Variants in SLC25A40 observed in about 807,000 individuals in gnomAD.
SLC25A40 encodes mitochondrial glutathione transporter SLC25A40.
In SLC25A40, 41 loss-of-function variants were observed where a neutral mutation model predicts 46.5. That is an observed-to-expected ratio of 0.88 (90% CI 0.69 to 1.14). The LOEUF (loss-of-function observed/expected upper bound fraction) is 1.14. Among genes scored for constraint, SLC25A40 ranks in the 50% most tolerant of loss-of-function variants. SLC25A40 has a pLI of 0.00. For synonymous variants in SLC25A40, 126 were observed against 127.5 expected (o/e 0.99, Z 0.08); for missense variants, 386 against 393.6 (o/e 0.98, Z 0.16).
In SLC25A40 at chr7:87,865,007, T is replaced by C. The variant is rs1183126020; in HGVS notation, c.-93-4367A>G. On this transcript the variant is annotated intron_variant, in intron 1 of 11. Coordinates refer to ENST00000341119, the MANE Select transcript of SLC25A40 (RefSeq NM_018843.4). The stretch of plus-strand genomic sequence containing the variant: ...TTTTTTTTTTTTTGAGACAAGGTCC[T>C]GCTCTGGTGCCCAAACTGGAGTGCA... Among the ~76,000 whole-genome samples, 6 of 150,804 alleles carry C rather than the reference T, an allele frequency of 4.0e-5. 1 individual carries two copies.
intron 2 of SLC25A40, among the ~76,000 whole-genome samples, chr7:87,859,203 C>T (rs768876659): frequency 2.0e-5 from 3 of 152,214 alleles, no homozygotes; most frequent in Non-Finnish European, 2.9e-5. Flanking sequence ...ACCTGTAACC[C>T]CAGCACTTTT....
intron 1 of SLC25A40, among the ~76,000 whole-genome samples, chr7:87,870,910 G>T (rs371613493): frequency 1.6e-4 from 24 of 152,146 alleles, no homozygotes; most frequent in Admixed American, 1.4e-3. Context: ...ACACATGAAC[G>T]TGTAAAAGGC....
At position 87,847,772 on chromosome 7, in the gene SLC25A40, A is replaced by T. The variant is rs1020924219; in HGVS notation, c.457+81T>A. On this transcript the variant is annotated intron_variant, in intron 7 of 11. Transcript: ENST00000341119. The stretch of plus-strand genomic sequence containing the variant: ...ATATCATACTAATACTCTATATATT[A>T]TACAAATTATCTGTGAATGTCACAA... 4.4e-6 allele frequency: 6 copies of T among 1,371,032 alleles called. No homozygotes were observed. In the African/African-American group the frequency reaches 8.9e-5, roughly 20 times the overall value. The allele number at this position is 1,371,032 out of a possible 1,614,324, so 84.9% of individuals were successfully genotyped here. A position where few individuals can be genotyped will look rare whatever the true frequency, so the allele number is the denominator to read the frequency against.
intron 2 of SLC25A40, among the ~76,000 whole-genome samples, chr7:87,859,919 G>A (rs966253179): frequency 6.6e-6 from 1 of 152,100 alleles, no homozygotes; most frequent in Non-Finnish European, 1.5e-5. Context: ...TACAGGGCCA[G>A]GTGTGGTGGC....
chr7:87,851,812 A>G (rs1175999188), intron 5 of SLC25A40, among the ~76,000 whole-genome samples: 4 of 152,242 alleles, frequency 2.6e-5, no homozygotes, highest in Admixed American at 6.5e-5. Flanking sequence ...ACAGAAAAAG[A>G]CAGCTAAAAT....
chr7:87,850,632 G>A (rs1304449962), intron 5 of SLC25A40, among the ~76,000 whole-genome samples: 1 of 152,088 alleles, frequency 6.6e-6, no homozygotes, highest in East Asian at 1.9e-4. Flanking sequence ...GCTGGGCATG[G>A]TGACGCACTC....
chr7:87,836,971 T>G (rs1425721692), intron 10 of SLC25A40, 161 bp from the exon 11 acceptor site: 1 of 355,198 alleles, frequency 2.8e-6, no homozygotes, highest in African/African-American at 2.5e-5. Context: ...TTTTTAATAG[T>G]TAGATTCATT....
chr7:87,855,072 A>T (rs1762391503), intron 4 of SLC25A40, among the ~76,000 whole-genome samples: 1 of 151,482 alleles, frequency 6.6e-6, no homozygotes, highest in Non-Finnish European at 1.5e-5. Flanking sequence ...TGAAGTGGGA[A>T]GATCACCTGA....
intron 4 of SLC25A40, among the ~76,000 whole-genome samples, chr7:87,855,972 T>C (rs1330269317): frequency 2.0e-5 from 3 of 152,172 alleles, no homozygotes; most frequent in African/African-American, 7.2e-5. Flanking sequence ...TGCTCTAACA[T>C]GGGCACAACT....
At chr7:87,860,511 T>C (rs1452538422) in intron 2 of SLC25A40, 61 bp downstream of exon 2, 1 of 152,190 alleles carries the variant, frequency 6.6e-6, no homozygotes, top group African/African-American at 2.4e-5. Context: ...ATATCAATAA[T>C]GTCCTTTATC....
At chr7:87,850,246 A>G (rs1838487624) in intron 5 of SLC25A40, among the ~76,000 whole-genome samples, 3 of 152,212 alleles carry the variant, frequency 2.0e-5, no homozygotes, top group Non-Finnish European at 4.4e-5. Flanking sequence ...AAGGAAGTAG[A>G]GCAAAAGCAG....
At chr7:87,860,284 CA>C (rs1481743406) in intron 2 of SLC25A40, 2 of 152,160 alleles carry the variant, frequency 1.3e-5, no homozygotes, top group Admixed American at 6.5e-5. Context: ...CTTCTACTGG[CA>C]ATATGAGAGT....
At chr7:87,869,535 C>G (rs1312260251) in intron 1 of SLC25A40, among the ~76,000 whole-genome samples, 1 of 146,132 alleles carries the variant, frequency 6.8e-6, no homozygotes, top group Non-Finnish European at 1.5e-5. Context: ...AGACCCTGTT[C>G]CAAAAAAAAA....
intron 10 of SLC25A40, 33 bp from the exon 11 acceptor site, chr7:87,836,843 T>A: frequency 1.6e-6 from 2 of 1,277,742 alleles, no homozygotes; most frequent in Non-Finnish European, 2.1e-6. Context: ...AATGCTATTA[T>A]AAATAACAAT....
At chr7:87,858,489 T>A in intron 3 of SLC25A40, 142 bp downstream of exon 3, 1 of 566,394 alleles carries the variant, frequency 1.8e-6, no homozygotes, top group Non-Finnish European at 3.1e-6. Context: ...GTAAAATTCC[T>A]CTCTTTGTAC....
chr7:87,870,514 G>A (rs1280253994), intron 1 of SLC25A40, among the ~76,000 whole-genome samples: 1 of 152,070 alleles, frequency 6.6e-6, no homozygotes, highest in Non-Finnish European at 1.5e-5. Flanking sequence ...CCTCAAGCCT[G>A]GAATTGCAGC....
chr7:87,847,129 C>A lies in SLC25A40; in HGVS notation c.458-7G>T. On this transcript the variant is annotated splice_region_variant and splice_polypyrimidine_tract_variant and intron_variant, in intron 7 of 11. Coordinates refer to ENST00000341119, the MANE Select transcript of SLC25A40 (RefSeq NM_018843.4). ...ATCACAGTTACTGCACCAACTAATACAAACAAGTTAAAAAAAAGAAAACAA... is the reference window on the plus strand; with the variant it reads ...ATCACAGTTACTGCACCAACTAATAAAAACAAGTTAAAAAAAAGAAAACAA... 6.4e-7 allele frequency: 1 copy of A among 1,569,798 alleles called. No homozygotes were observed. Among genetic ancestry groups the A allele is most frequent in the Admixed American group, 1.9e-5 (1 of 52,358 alleles).
intron 1 of SLC25A40, among the ~76,000 whole-genome samples, chr7:87,862,082 G>A (rs1162783677): frequency 6.6e-6 from 1 of 152,058 alleles, no homozygotes; most frequent in Non-Finnish European, 1.5e-5. Flanking sequence ...TCTGAGAAGT[G>A]ATTATCAGTG....
intron 7 of SLC25A40, among the ~76,000 whole-genome samples, chr7:87,847,592 A>T (rs1838440803): frequency 6.6e-6 from 1 of 152,170 alleles, no homozygotes; most frequent in Non-Finnish European, 1.5e-5. Flanking sequence ...AGTTCAGGTA[A>T]ATCAGAACCA....
Sources: allele counts gnomAD v4.1 joint callset (sites outside exome capture counted in the v4.1 genomes callset), GRCh38; gene constraint gnomAD v4.1.1; transcripts MANE v1.5; gene names NCBI Gene and HGNC (gene_info 2026-07-23, HGNC 2026-07-21).